The following NDST3 variants were observed in gnomAD, a reference collection of about 807,000 sequenced individuals.
NDST3 encodes the protein N-deacetylase and N-sulfotransferase 3, also known as bifunctional heparan sulfate N-deacetylase/N-sulfotransferase 3.
NDST3 carries 58 observed loss-of-function variants against 96.1 expected under a neutral mutation model. The observed-to-expected ratio is 0.60, with a 90% CI of 0.49 to 0.75. The LOEUF (loss-of-function observed/expected upper bound fraction) is 0.75. Among genes scored for constraint, NDST3 ranks in the 30% least tolerant of loss-of-function variants. The pLI is 0.00. For missense variants in NDST3, 788 were observed against 1,034.2 expected, an observed-to-expected ratio of 0.76 and a Z score of 3.27; for synonymous variants, 333 against 359.7, an observed-to-expected ratio of 0.93 and a Z score of 0.84.
At chr4:118,237,771 C>G (rs751394764) in intron 10 of NDST3, among the ~76,000 whole-genome samples, 3 of 152,132 alleles carry the variant, frequency 2.0e-5, no homozygotes, top group Non-Finnish European at 2.9e-5. Context: ...GCTTAAATAG[C>G]TACTTGTACT....
chr4:118,178,238 G>A (rs955422834), intron 6 of NDST3, among the ~76,000 whole-genome samples: 2 of 151,928 alleles, frequency 1.3e-5, no homozygotes, highest in Admixed American at 6.6e-5. Context: ...ACAGAACTCA[G>A]TAGTGTCAAG....
chr4:118,114,787 A>G lies in NDST3; in HGVS notation c.1070-19A>G, dbSNP rs1445813215. The G allele has an allele frequency of 6.7e-7, 1 of 1,502,748 alleles. No homozygotes were observed. Among genetic ancestry groups the G allele is most frequent in the Non-Finnish European group, 8.9e-7 (1 of 1,118,936 alleles). 93.1% of individuals were successfully genotyped at this position (1,502,748 alleles called of 1,614,324 possible). On this transcript the variant is annotated intron_variant, in intron 3 of 13. Transcript: ENST00000296499. ...TCAGTGTAACTGGAATTAATTGGAT[A>G]ATATTTCCCCCCCTAAAGGAACTGA...
intron 3 of NDST3, among the ~76,000 whole-genome samples, chr4:118,109,446 C>T (rs773240285): frequency 2.6e-5 from 4 of 152,090 alleles, no homozygotes; most frequent in Non-Finnish European, 5.9e-5. Flanking sequence ...ATGATGCTAG[C>T]CAATTCATGT....
chr4:118,150,091 T>A (rs1447702262), intron 6 of NDST3, among the ~76,000 whole-genome samples: 1 of 151,978 alleles, frequency 6.6e-6, no homozygotes, highest in African/African-American at 2.4e-5. Flanking sequence ...CAGCCTTGCA[T>A]CCCAGGGATG....
intron 2 of NDST3, among the ~76,000 whole-genome samples, chr4:118,075,170 C>T (rs528188702): frequency 7.9e-5 from 12 of 151,942 alleles, no homozygotes; most frequent in South Asian, 2.1e-4. Context: ...TCTGTCCTTG[C>T]GATGGTTTGC....
chr4:118,171,039 C>T (rs1011146607), intron 6 of NDST3, among the ~76,000 whole-genome samples: 4 of 152,184 alleles, frequency 2.6e-5, no homozygotes, highest in Non-Finnish European at 5.9e-5. Flanking sequence ...ACAAAACCCC[C>T]ATGAGTGTGC....
At chr4:118,227,151 G>T (rs1008379521) in intron 8 of NDST3, among the ~76,000 whole-genome samples, 169 bp downstream of exon 8, 1 of 151,482 alleles carries the variant, frequency 6.6e-6, no homozygotes, top group Admixed American at 6.6e-5. Flanking sequence ...AATGCTTATC[G>T]AAGTGTTTTT....
intron 12 of NDST3, among the ~76,000 whole-genome samples, chr4:118,247,615 T>G (rs1231628283): frequency 6.6e-6 from 1 of 152,114 alleles, no homozygotes; most frequent in Non-Finnish European, 1.5e-5. Context: ...CAGCAGGGAT[T>G]GACTGCAATG....
chr4:118,246,835 A>G (rs912013228), intron 12 of NDST3, among the ~76,000 whole-genome samples: 2 of 152,210 alleles, frequency 1.3e-5, no homozygotes, highest in African/African-American at 2.4e-5. Context: ...AATTACCTCC[A>G]GCTGGTCCCG....
rs192664320 is a variant in NDST3 at position 118,084,752 on chromosome 4, C to A, written c.982-20266C>A. ...CAAACAAATAAAGGTTAAAAACATG[C>A]CTTTTTAACTTAGTTCCATAGGAAT... On this transcript the variant is annotated intron_variant, in intron 2 of 13. Coordinates refer to ENST00000296499, the MANE Select transcript of NDST3 (RefSeq NM_004784.3). Among the ~76,000 whole-genome samples, 11 of 152,288 alleles carry A rather than the reference C, an allele frequency of 7.2e-5. No individual in the cohort carries two copies. In the East Asian group the frequency reaches 1.3e-3, roughly 19 times the overall value.
intron 2 of NDST3, among the ~76,000 whole-genome samples, chr4:118,071,003 C>T (rs2125801162): frequency 6.6e-6 from 1 of 152,004 alleles, no homozygotes; most frequent in Admixed American, 6.6e-5. Flanking sequence ...CGATAGTTTG[C>T]TGAGAATGAT....
chr4:118,240,969 TAA>T (rs1740971740), intron 11 of NDST3, among the ~76,000 whole-genome samples: 1 of 152,226 alleles, frequency 6.6e-6, no homozygotes, highest in Non-Finnish European at 1.5e-5. Context: ...ATCCTGAGAA[TAA>T]AGTTTGAAAG....
intron 12 of NDST3, among the ~76,000 whole-genome samples, chr4:118,243,286 A>C (rs1163798909): frequency 2.0e-5 from 3 of 152,206 alleles, no homozygotes; most frequent in African/African-American, 7.2e-5. Flanking sequence ...CAGGAAAAAA[A>C]GATTAGCAGG....
At position 118,233,118 on chromosome 4, in the gene NDST3, C is replaced by T; in HGVS notation, c.1926C>T (p.Tyr642=). ...EEVQFFNRNN[Y]HRGIDWYMDF... ...TACAGTTCTTTAATAGAAATAACTA[C>T]CACAGGGGGATTGATTGGTAAGATG... The change falls in exon 9 of 14, where the codon TAC becomes TAT. Residue 642 remains tyrosine (Y), a synonymous_variant. Transcript: ENST00000296499. 6.2e-7 allele frequency: 1 copy of T among 1,612,266 alleles called. No homozygotes were observed. Among genetic ancestry groups the T allele is most frequent in the Non-Finnish European group, 8.5e-7 (1 of 1,178,492 alleles).
intron 2 of NDST3, among the ~76,000 whole-genome samples, chr4:118,067,358 A>T (rs1307118428): frequency 6.6e-6 from 1 of 152,098 alleles, no homozygotes; most frequent in Non-Finnish European, 1.5e-5. Flanking sequence ...TAAGTATTTA[A>T]AGGAAGTAAA....
intron 4 of NDST3, among the ~76,000 whole-genome samples, chr4:118,116,061 C>A (rs79986132): frequency 3.3e-5 from 5 of 151,792 alleles, no homozygotes; most frequent in African/African-American, 9.7e-5. Context: ...CATCTTTTTT[C>A]CTAAAAAAAT....
rs768400478 is a variant in NDST3, at chr4:118,114,799, C to CA, written c.1070-7_1070-6insA. 258 of 1,613,154 alleles carry CA rather than the reference C, an allele frequency of 1.6e-4. No homozygotes were observed. In the Middle Eastern group the frequency reaches 3.0e-3, roughly 19 times the overall value. On this transcript the variant is annotated splice_polypyrimidine_tract_variant and splice_region_variant and intron_variant, in intron 3 of 13. Transcript: ENST00000296499. Reference sequence around the variant, plus strand: ...GAATTAATTGGATAATATTTCCCCCCCTAAAGGAACTGAAGAGGAAGATGA... The same window carrying CA: ...GAATTAATTGGATAATATTTCCCCCCACTAAAGGAACTGAAGAGGAAGATGA...
chr4:118,084,150 G>C (rs1187412489), intron 2 of NDST3, among the ~76,000 whole-genome samples: 1 of 151,892 alleles, frequency 6.6e-6, no homozygotes, highest in African/African-American at 2.4e-5. Context: ...TACCACATGA[G>C]AACTACAGCT....
chr4:118,255,244 T>C (rs554275235), intron 13 of NDST3, among the ~76,000 whole-genome samples: 2 of 152,298 alleles, frequency 1.3e-5, no homozygotes, highest in East Asian at 3.9e-4. Context: ...GGTTACTGAG[T>C]AATCCATATT....
Sources: allele counts gnomAD v4.1 joint callset (sites outside exome capture counted in the v4.1 genomes callset), GRCh38; gene constraint gnomAD v4.1.1; transcripts MANE v1.5; gene names NCBI Gene and HGNC (gene_info 2026-07-23, HGNC 2026-07-21).